SPHKAP: variants seen among roughly 807,000 people sequenced by gnomAD.
SPHKAP encodes A-kinase anchor protein SPHKAP.
A neutral mutation model predicts 137.5 loss-of-function variants in SPHKAP; 67 were observed. That is an observed-to-expected ratio of 0.49 (90% CI 0.40 to 0.60). SPHKAP has a LOEUF of 0.60. Among genes scored for constraint, SPHKAP ranks in the 20% least tolerant of loss-of-function variants. The pLI is 0.00. For synonymous variants in SPHKAP, 813 were observed against 785.3 expected (o/e 1.04, Z -0.59); for missense variants, 2,097 against 2,069.3 (o/e 1.01, Z -0.26).
rs1358197732 is a variant in SPHKAP at position 228,181,030 on chromosome 2, T to C, written c.32+537A>G. On this transcript the variant is annotated intron_variant, in intron 1 of 11. Transcript: ENST00000392056. The surrounding 1 kb of genome is among the most constrained non-coding windows in gnomAD (Gnocchi z 4.3). Reference sequence around the variant, plus strand: ...ACTGTGGGACTGCAGGGGACCTAGGTGTTTTCTGCCCTGTCTTAAGATCTC... The same window carrying C: ...ACTGTGGGACTGCAGGGGACCTAGGCGTTTTCTGCCCTGTCTTAAGATCTC... 6.6e-6 allele frequency among the ~76,000 whole-genome samples: 1 copy of C among 151,418 alleles called. No individual in the cohort carries two copies. The highest frequency in any genetic ancestry group is 1.5e-5 in the Non-Finnish European group (1 of 67,870).
chr2:227,992,680 G>T (rs1326031623), intron 9 of SPHKAP, among the ~76,000 whole-genome samples: 1 of 152,118 alleles, frequency 6.6e-6, no homozygotes, highest in African/African-American at 2.4e-5. Flanking sequence ...GTGAATAATG[G>T]CTGTGTGGAG....
rs75564665 is a variant in SPHKAP, at chr2:228,024,225, T to C, written c.441+1169A>G. On this transcript the variant is annotated intron_variant, in intron 5 of 11. Transcript: ENST00000392056. ...AGGGTCTAGTAAGTTAAACTCAAGG[T>C]CAAGTCCAATTAATGTCAATACCAA... 3.9e-5 allele frequency among the ~76,000 whole-genome samples: 6 copies of C among 152,238 alleles called. No homozygotes were observed. In the East Asian group the frequency reaches 1.2e-3, roughly 29 times the overall value.
intron 2 of SPHKAP, among the ~76,000 whole-genome samples, chr2:228,114,534 A>T (rs1698643808): frequency 6.6e-6 from 1 of 152,148 alleles, no homozygotes; most frequent in South Asian, 2.1e-4. Flanking sequence ...CTTAGTTTTT[A>T]CGTCTATTAC....
intron 3 of SPHKAP, among the ~76,000 whole-genome samples, chr2:228,031,406 G>GGCCT (rs1360809616): frequency 6.6e-6 from 1 of 152,338 alleles, no homozygotes; most frequent in East Asian, 1.9e-4. Context: ...AGCTCAAGGA[G>GGCCT]GCCTGCCTGC....
intron 3 of SPHKAP, among the ~76,000 whole-genome samples, chr2:228,052,741 C>T (rs554987030): frequency 3.2e-4 from 49 of 152,030 alleles, no homozygotes; most frequent in African/African-American, 1.1e-3. Flanking sequence ...AAAACTTTTT[C>T]TCTTTCTTTC....
intron 2 of SPHKAP, among the ~76,000 whole-genome samples, chr2:228,113,835 C>T (rs1366658140): frequency 3.9e-5 from 6 of 152,070 alleles, no homozygotes; most frequent in Non-Finnish European, 2.9e-5. Flanking sequence ...CTCCTCCTCC[C>T]TCTCCCTTTC....
intron 1 of SPHKAP, among the ~76,000 whole-genome samples, chr2:228,163,355 A>G (rs1056853208): frequency 2.6e-5 from 4 of 152,260 alleles, no homozygotes; most frequent in Admixed American, 2.6e-4. Context: ...AATTAGAATA[A>G]AGAAATAATA....
chr2:228,019,695 T>G lies in SPHKAP; in HGVS notation c.1159A>C (p.Thr387Pro). The G allele has an allele frequency of 6.2e-7, 1 of 1,614,218 alleles. No individual in the cohort carries two copies. Among genetic ancestry groups the G allele is most frequent in the Non-Finnish European group, 8.5e-7 (1 of 1,180,028 alleles). The change falls in exon 7 of 12, where the codon ACC (threonine) becomes CCC (proline). Residue 387 changes from threonine to proline, a missense_variant. Coordinates refer to ENST00000392056, the MANE Select transcript of SPHKAP (RefSeq NM_001142644.2). ...ALPPRQDGEV[T>P]TGKYATNLAE... is the part of the protein sequence containing the mutation. The stretch of plus-strand genomic sequence containing the variant: ...AAATTTGTAGCATACTTGCCAGTGG[T>G]GACTTCTCCATCTTGTCTAGGAGGG...
At chr2:228,135,990 G>T (rs1699430273) in intron 1 of SPHKAP, among the ~76,000 whole-genome samples, 1 of 152,312 alleles carries the variant, frequency 6.6e-6, no homozygotes, top group African/African-American at 2.4e-5. Context: ...GGCCCAGTCT[G>T]TTCCCATACC....
At chr2:228,011,391 G>C (rs1255387831) in intron 7 of SPHKAP, among the ~76,000 whole-genome samples, 1 of 152,150 alleles carries the variant, frequency 6.6e-6, no homozygotes, top group East Asian at 1.9e-4. Flanking sequence ...CTAGCCTTTA[G>C]AAAATGAATT....
rs1352642602 is a variant in SPHKAP, at chr2:228,019,613, A to G, written c.1241T>C (p.Leu414Ser). ...FIRLSQSQST[L>S]PQESAVSVSV... ...AACACTGACTGCAGATTCCTGGGGTAATGTGGACTGAGATTGAGATAATCT... is the reference window on the plus strand; with the variant it reads ...AACACTGACTGCAGATTCCTGGGGTGATGTGGACTGAGATTGAGATAATCT... Residue 414 changes from leucine to serine, a missense_variant, in exon 7 of 12, where the codon TTA becomes TCA. Transcript: ENST00000392056. 2 of 1,614,142 alleles carry G rather than the reference A, an allele frequency of 1.2e-6. No homozygotes were observed. Among genetic ancestry groups the G allele is most frequent in the Non-Finnish European group, 1.7e-6 (2 of 1,179,994 alleles).
intron 5 of SPHKAP, chr2:228,022,272 A>G (rs1452368458): frequency 2.5e-6 from 2 of 808,760 alleles, no homozygotes; most frequent in Admixed American, 1.2e-4. Flanking sequence ...GAAGATTTTT[A>G]TTTGAGGCTA....
At chr2:227,993,731 T>A (rs1389612388) in intron 8 of SPHKAP, 111 bp from the exon 9 acceptor site, 4 of 959,470 alleles carry the variant, frequency 4.2e-6, no homozygotes, top group Non-Finnish European at 4.8e-6. Context: ...CAGAAAAATA[T>A]CGCTTTGTGC....
chr2:228,011,577 G>A (rs1245032690), intron 7 of SPHKAP, among the ~76,000 whole-genome samples: 3 of 152,096 alleles, frequency 2.0e-5, no homozygotes, highest in African/African-American at 7.2e-5. Flanking sequence ...TAGAAATGAG[G>A]GTAAATCATA....
chr2:228,120,365 C>G (rs146953169), intron 2 of SPHKAP, among the ~76,000 whole-genome samples: 5 of 152,244 alleles, frequency 3.3e-5, no homozygotes, highest in Admixed American at 3.3e-4. Context: ...ATGGATTACA[C>G]TGTTTTATGG....
At chr2:228,149,321 A>C (rs913898051) in intron 1 of SPHKAP, among the ~76,000 whole-genome samples, 2 of 152,238 alleles carry the variant, frequency 1.3e-5, no homozygotes, top group African/African-American at 4.8e-5. Flanking sequence ...AAAGCTAAAA[A>C]GTCATTATAA....
At chr2:228,081,759 G>C (rs1299889854) in intron 3 of SPHKAP, among the ~76,000 whole-genome samples, 1 of 152,154 alleles carries the variant, frequency 6.6e-6, no homozygotes, top group Non-Finnish European at 1.5e-5. Context: ...CATGTAAGTA[G>C]GGATTAGAAT....
At chr2:228,136,293 G>A (rs894057008) in intron 1 of SPHKAP, among the ~76,000 whole-genome samples, 2 of 152,160 alleles carry the variant, frequency 1.3e-5, no homozygotes, top group Non-Finnish European at 2.9e-5. Flanking sequence ...CTGGTTTCAT[G>A]CTGAAACCGT....
At chr2:228,012,873 C>T (rs2106201075) in intron 7 of SPHKAP, among the ~76,000 whole-genome samples, 1 of 152,222 alleles carries the variant, frequency 6.6e-6, no homozygotes, top group South Asian at 2.1e-4. Context: ...TCAAGAAGTC[C>T]AATAAATTCT....
Sources: allele counts gnomAD v4.1 joint callset (sites outside exome capture counted in the v4.1 genomes callset), GRCh38; gene constraint gnomAD v4.1.1; non-coding constraint Gnocchi (gnomAD v3.1); transcripts MANE v1.5; gene names NCBI Gene and HGNC (gene_info 2026-07-23, HGNC 2026-07-21).